The following CTNNA3 variants were observed in gnomAD, a reference collection of about 807,000 sequenced individuals.
The protein encoded by CTNNA3 is catenin alpha 3, also known as catenin alpha-3.
CTNNA3 carries 76 observed loss-of-function variants against 95.7 expected under a neutral mutation model. The ratio of observed to expected loss-of-function variants is 0.79; its 90% CI spans 0.66 to 0.96. The LOEUF (loss-of-function observed/expected upper bound fraction) is 0.96. CTNNA3 is among the 40% of genes least tolerant of loss of function. The probability of loss-of-function intolerance (pLI) is 0.00; values close to 1 mark genes in which losing one functional copy is unlikely to be tolerated. For synonymous variants in CTNNA3, 431 were observed against 374.4 expected (o/e 1.15, Z -1.74); for missense variants, 1,191 against 1,089.8 (o/e 1.09, Z -1.31).
At chr10:66,324,044 A>G (rs1280911258) in intron 12 of CTNNA3, among the ~76,000 whole-genome samples, 2 of 151,872 alleles carry the variant, frequency 1.3e-5, no homozygotes, top group African/African-American at 2.4e-5. Context: ...CCACCACTCA[A>G]TAAAAACTCA....
At chr10:66,269,623 C>T (rs1451860873) in intron 13 of CTNNA3, among the ~76,000 whole-genome samples, 1 of 152,080 alleles carries the variant, frequency 6.6e-6, no homozygotes, top group Non-Finnish European at 1.5e-5. Flanking sequence ...ACACTTTAAT[C>T]ATTAAATTTA....
chr10:66,366,260 TA>T (rs1399770270), intron 12 of CTNNA3, among the ~76,000 whole-genome samples: 1 of 152,138 alleles, frequency 6.6e-6, no homozygotes, highest in East Asian at 1.9e-4. Context: ...TAATGAGATA[TA>T]ATATGCATGT....
At chr10:66,138,935 TA>T (rs1564690126) in intron 13 of CTNNA3, among the ~76,000 whole-genome samples, 2 of 152,214 alleles carry the variant, frequency 1.3e-5, no homozygotes, top group Non-Finnish European at 2.9e-5. Flanking sequence ...TCACTCTCTC[TA>T]AATAAGAGTA....
chr10:66,482,585 G>C (rs1839576768), intron 11 of CTNNA3, among the ~76,000 whole-genome samples: 1 of 151,952 alleles, frequency 6.6e-6, no homozygotes, highest in African/African-American at 2.4e-5. Flanking sequence ...TATTTCCTTT[G>C]TACAAAGTAT....
intron 15 of CTNNA3, among the ~76,000 whole-genome samples, chr10:66,040,329 AG>A (rs2079659201): frequency 1.3e-5 from 2 of 152,250 alleles, no homozygotes; most frequent in African/African-American, 4.8e-5. Flanking sequence ...AATTCCTCAA[AG>A]AAGTAAGAGG....
chr10:67,229,051 T>C (rs999439021), intron 5 of CTNNA3, among the ~76,000 whole-genome samples: 18 of 152,082 alleles, frequency 1.2e-4, no homozygotes, highest in African/African-American at 4.1e-4. Flanking sequence ...CTGATGAATA[T>C]AGATGCTAAA....
intron 13 of CTNNA3, among the ~76,000 whole-genome samples, chr10:66,126,568 G>A (rs2082838186): frequency 6.6e-6 from 1 of 152,166 alleles, no homozygotes; most frequent in Admixed American, 6.5e-5. Flanking sequence ...GGGCTCCTTA[G>A]AGAAATGCTA....
At chr10:65,921,199 A>G (rs1435530911) in intron 17 of CTNNA3, among the ~76,000 whole-genome samples, 1 of 152,222 alleles carries the variant, frequency 6.6e-6, no homozygotes, top group Non-Finnish European at 1.5e-5. Context: ...ATCAATAGCC[A>G]TTTACTACAA....
intron 11 of CTNNA3, among the ~76,000 whole-genome samples, chr10:66,461,529 T>C (rs2093528995): frequency 6.6e-6 from 1 of 151,960 alleles, no homozygotes; most frequent in Admixed American, 6.6e-5. Context: ...TTCGGATCCA[T>C]CCCTGCTTCT....
In CTNNA3 at chr10:67,362,796, G is replaced by GAA. The variant is rs34913748; in HGVS notation, c.580-142928_580-142927dup. Among the ~76,000 whole-genome samples the GAA allele has an allele frequency of 2.6e-3, 383 of 145,898 alleles. 1 individual carries two copies. Among genetic ancestry groups the GAA allele is most frequent in the African/African-American group, 9.1e-3 (353 of 38,728 alleles). On this transcript the variant is annotated intron_variant, in intron 5 of 17. Transcript: ENST00000433211. The stretch of plus-strand genomic sequence containing the variant: ...AAAAGAAATAAAAGGCATTCAAATA[G>GAA]AAAAAAAAAAAAATCAAACTCTCTC...
intron 5 of CTNNA3, among the ~76,000 whole-genome samples, chr10:67,427,088 A>G (rs748226306): frequency 1.3e-4 from 20 of 152,076 alleles, no homozygotes; most frequent in Non-Finnish European, 2.9e-4. Context: ...TGGCTTTAAC[A>G]AAATTACTGT....
intron 13 of CTNNA3, among the ~76,000 whole-genome samples, chr10:66,180,163 A>G (rs2085964799): frequency 6.6e-6 from 1 of 152,162 alleles, no homozygotes; most frequent in Non-Finnish European, 1.5e-5. Flanking sequence ...GCACACAGAT[A>G]CATAAACACA....
At chr10:67,669,835 A>G (rs750744129) in intron 1 of CTNNA3, among the ~76,000 whole-genome samples, 38 of 152,350 alleles carry the variant, frequency 2.5e-4, no homozygotes, top group Middle Eastern at 3.4e-3. Context: ...TTATGTCCAC[A>G]CAGCTTTATT....
chr10:66,212,207 C>A (rs1045334924), intron 13 of CTNNA3, among the ~76,000 whole-genome samples: 3 of 152,006 alleles, frequency 2.0e-5, no homozygotes, highest in Admixed American at 6.6e-5. Flanking sequence ...TCAGGCTGAT[C>A]TCAAACTCCT....
At chr10:67,551,300 C>T (rs918027507) in intron 3 of CTNNA3, among the ~76,000 whole-genome samples, 6 of 152,190 alleles carry the variant, frequency 3.9e-5, no homozygotes, top group Non-Finnish European at 5.9e-5. Flanking sequence ...AGAGCAGACC[C>T]GCAGGCCATC....
intron 5 of CTNNA3, among the ~76,000 whole-genome samples, chr10:67,511,930 G>A (rs916609143): frequency 6.6e-6 from 1 of 152,130 alleles, no homozygotes; most frequent in Non-Finnish European, 1.5e-5. Context: ...TTGGGAGGGT[G>A]TATGTGTCCC....
At chr10:65,941,098 G>A (rs1287849957) in intron 17 of CTNNA3, among the ~76,000 whole-genome samples, 2 of 152,144 alleles carry the variant, frequency 1.3e-5, no homozygotes, top group African/African-American at 2.4e-5. Flanking sequence ...TAGTTCAAAT[G>A]CACAGTAAGC....
At chr10:67,180,549 G>C in intron 6 of CTNNA3, 29 bp from the exon 7 acceptor site, 3 of 1,529,222 alleles carry the variant, frequency 2.0e-6, no homozygotes, top group South Asian at 1.1e-5. Flanking sequence ...TGTATGGTTA[G>C]AGCTCCATGG....
rs181788487 is a variant in CTNNA3 at position 66,692,332 on chromosome 10, C to T, written c.1282-70548G>A. Among the ~76,000 whole-genome samples, 1,082 of 151,902 alleles carry T rather than the reference C, an allele frequency of 7.1e-3. 12 individuals are homozygous for T. The highest frequency in any genetic ancestry group is 0.025 in the African/African-American group (1,024 of 41,382). On this transcript the variant is annotated intron_variant, in intron 9 of 17. Transcript: ENST00000433211. ...GTGAAGAATGCAGAAGCCTCAGAGCCGATGTGATCAACTGGAAGAAAGGGT... is the reference window on the plus strand; with the variant it reads ...GTGAAGAATGCAGAAGCCTCAGAGCTGATGTGATCAACTGGAAGAAAGGGT...
Sources: allele counts gnomAD v4.1 joint callset (sites outside exome capture counted in the v4.1 genomes callset), GRCh38; gene constraint gnomAD v4.1.1; transcripts MANE v1.5; gene names NCBI Gene and HGNC (gene_info 2026-07-23, HGNC 2026-07-21).